HECW1: variants seen among roughly 807,000 people sequenced by gnomAD.
HECW1 encodes E3 ubiquitin-protein ligase HECW1.
HECW1 carries 61 observed loss-of-function variants against 182.3 expected under a neutral mutation model. The ratio of observed to expected loss-of-function variants is 0.33; its 90% CI spans 0.27 to 0.41. HECW1 has a LOEUF of 0.41. HECW1 is among the 10% of genes least tolerant of loss of function. HECW1 has a pLI of 1.00. For missense variants in HECW1, 1,739 were observed against 2,108.9 expected (o/e 0.82, Z 3.44); for synonymous variants, 859 against 832.6 (o/e 1.03, Z -0.55).
intron 2 of HECW1, among the ~76,000 whole-genome samples, chr7:43,136,551 G>A (rs1787560763): frequency 6.6e-6 from 1 of 152,214 alleles, no homozygotes; most frequent in Admixed American, 6.5e-5. Flanking sequence ...ACTTCTGGAA[G>A]CACTCCTTCC....
chr7:43,261,335 G>C (rs1407101159), intron 3 of HECW1, among the ~76,000 whole-genome samples: 1 of 152,200 alleles, frequency 6.6e-6, no homozygotes, highest in African/African-American at 2.4e-5. Context: ...GCTGTGAGTA[G>C]CATCCCAAGC....
chr7:43,463,935 A>G, intron 14 of HECW1, 136 bp downstream of exon 14: 1 of 963,154 alleles, frequency 1.0e-6, no homozygotes, highest in Non-Finnish European at 1.5e-6. Context: ...GGTGGAGGAC[A>G]GAGGCATGCC....
intron 21 of HECW1, among the ~76,000 whole-genome samples, chr7:43,504,534 C>A (rs186631072): frequency 3.7e-4 from 56 of 152,328 alleles, no homozygotes; most frequent in Non-Finnish European, 6.3e-4. Flanking sequence ...TACCCTCTGG[C>A]AGAGCTTCAC....
At chr7:43,277,701 C>T (rs1803337484) in intron 3 of HECW1, among the ~76,000 whole-genome samples, 1 of 152,176 alleles carries the variant, frequency 6.6e-6, no homozygotes, top group South Asian at 2.1e-4. Flanking sequence ...TGTCTTCTCC[C>T]CTCTTCCAGC....
intron 2 of HECW1, among the ~76,000 whole-genome samples, chr7:43,153,165 C>T (rs1253520089): frequency 6.6e-6 from 1 of 152,028 alleles, no homozygotes; most frequent in Non-Finnish European, 1.5e-5. Context: ...TTGGTCTTTG[C>T]ATTTTTTTTT....
intron 3 of HECW1, among the ~76,000 whole-genome samples, chr7:43,287,253 A>G (rs1804767975): frequency 6.6e-6 from 1 of 152,136 alleles, no homozygotes; most frequent in South Asian, 2.1e-4. Context: ...GTAGATGAGC[A>G]GGTACTGTGG....
At chr7:43,297,309 CTTGT>C (rs1246346976) in intron 3 of HECW1, among the ~76,000 whole-genome samples, 2 of 152,206 alleles carry the variant, frequency 1.3e-5, no homozygotes, top group Non-Finnish European at 2.9e-5. Context: ...CACAATTACA[CTTGT>C]TTGTTTGTTT....
chr7:43,365,603 ATTC>A (rs1816544235), intron 6 of HECW1, among the ~76,000 whole-genome samples: 1 of 152,206 alleles, frequency 6.6e-6, no homozygotes, highest in Non-Finnish European at 1.5e-5. Context: ...ACACTGGATT[ATTC>A]TTATTCTTAC....
At chr7:43,275,296 A>G (rs987126909) in intron 3 of HECW1, among the ~76,000 whole-genome samples, 1 of 152,212 alleles carries the variant, frequency 6.6e-6, no homozygotes, top group Non-Finnish European at 1.5e-5. Context: ...CTCATAACAT[A>G]ATGTTACATA....
At chr7:43,399,936 T>C (rs771994130) in intron 7 of HECW1, among the ~76,000 whole-genome samples, 18 of 152,142 alleles carry the variant, frequency 1.2e-4, no homozygotes, top group Non-Finnish European at 2.2e-4. Flanking sequence ...GTTGAAACTA[T>C]CAAAATAAAT....
chr7:43,553,020 T>C (rs1254875494), intron 28 of HECW1, among the ~76,000 whole-genome samples: 1 of 152,174 alleles, frequency 6.6e-6, no homozygotes, highest in Admixed American at 6.5e-5. Flanking sequence ...GGGTGTCTCA[T>C]TTCCTACAGA....
chr7:43,503,188 C>T (rs2152925474), intron 21 of HECW1, among the ~76,000 whole-genome samples: 1 of 152,314 alleles, frequency 6.6e-6, no homozygotes, highest in South Asian at 2.1e-4. Context: ...TGACGCACAA[C>T]ATAATTAAAT....
At chr7:43,406,627 A>G (rs1397647126) in intron 7 of HECW1, among the ~76,000 whole-genome samples, 1 of 152,182 alleles carries the variant, frequency 6.6e-6, no homozygotes, top group Admixed American at 6.5e-5. Flanking sequence ...TTTAAAAATT[A>G]TATTCCTTGG....
At chr7:43,337,533 C>A (rs1812455622) in intron 5 of HECW1, among the ~76,000 whole-genome samples, 1 of 152,198 alleles carries the variant, frequency 6.6e-6, no homozygotes, top group African/African-American at 2.4e-5. Context: ...GCCAAGTGGC[C>A]AGTGCATGCT....
intron 3 of HECW1, among the ~76,000 whole-genome samples, chr7:43,302,975 A>C (rs1269110897): frequency 1.3e-5 from 2 of 152,002 alleles, no homozygotes; most frequent in African/African-American, 4.8e-5. Flanking sequence ...ACACAGGAAT[A>C]CCAGTTCTCA....
intron 2 of HECW1, among the ~76,000 whole-genome samples, chr7:43,173,177 T>C (rs1052373690): frequency 5.9e-5 from 9 of 152,242 alleles, no homozygotes; most frequent in African/African-American, 1.2e-4. Context: ...GTTTCAGATG[T>C]ATGATACCAT....
chr7:43,514,893 G>A (rs941018169), intron 24 of HECW1, among the ~76,000 whole-genome samples: 4 of 152,070 alleles, frequency 2.6e-5, no homozygotes, highest in Non-Finnish European at 5.9e-5. Flanking sequence ...CATAAACAAA[G>A]CCACAGAGAT....
At position 43,509,074 on chromosome 7, in the gene HECW1, G is replaced by T. The variant is rs773203507; in HGVS notation, c.3972G>T (p.Thr1324=). ...LFEYSANDTY[T]VQISPMSAFV... ...AGTACTCGGCAAATGATACTTACAC[G>T]GTGCAGATCAGCCCCATGTCCGCAT... The change falls in exon 24 of 30, where the codon ACG becomes ACT. Residue 1324 remains threonine (T), a synonymous_variant. Coordinates refer to ENST00000395891, the MANE Select transcript of HECW1 (RefSeq NM_015052.5). 4.3e-6 allele frequency: 7 copies of T among 1,614,090 alleles called. No homozygotes were observed. In the South Asian group the frequency reaches 6.6e-5, roughly 15 times the overall value.
chr7:43,417,024 G>A (rs184939282), intron 8 of HECW1, among the ~76,000 whole-genome samples: 1 of 152,292 alleles, frequency 6.6e-6, no homozygotes, highest in Non-Finnish European at 1.5e-5. Context: ...GACCGGAGCT[G>A]TTCCTATTCG....
Sources: gnomAD v4.1 joint callset for allele counts (sites outside exome capture counted in the v4.1 genomes callset) on GRCh38, gnomAD v4.1.1 for gene constraint, MANE v1.5 for transcripts, NCBI Gene and HGNC (gene_info 2026-07-23, HGNC 2026-07-21) for gene names.